SEMA3C: variants seen among roughly 807,000 people sequenced by gnomAD.
SEMA3C encodes semaphorin-3C.
A neutral mutation model predicts 89.4 loss-of-function variants in SEMA3C; 47 were observed. The ratio of observed to expected loss-of-function variants is 0.53; its 90% CI spans 0.42 to 0.67. SEMA3C has a LOEUF of 0.67. Ranked by LOEUF, SEMA3C falls within the 30% of genes least tolerant of loss-of-function variation. The pLI, the probability that SEMA3C is intolerant of heterozygous loss-of-function variation, is 0.00. For missense variants in SEMA3C, 839 were observed against 929.1 expected, an observed-to-expected ratio of 0.90 and a Z score of 1.26; for synonymous variants, 310 against 320.2, an observed-to-expected ratio of 0.97 and a Z score of 0.34.
intron 2 of SEMA3C, among the ~76,000 whole-genome samples, chr7:80,858,786 T>C (rs1790703506): frequency 6.6e-6 from 1 of 152,152 alleles, no homozygotes; most frequent in South Asian, 2.1e-4. Flanking sequence ...CTTGGAGTGT[T>C]TAATTACAGC....
intron 2 of SEMA3C, among the ~76,000 whole-genome samples, chr7:80,876,349 T>C (rs1562919049): frequency 6.6e-6 from 1 of 152,182 alleles, no homozygotes; most frequent in African/African-American, 2.4e-5. Flanking sequence ...CACTCTTCTA[T>C]ACAGGCAGGT....
intron 12 of SEMA3C, among the ~76,000 whole-genome samples, chr7:80,777,641 A>G (rs935277280): frequency 1.3e-5 from 2 of 152,144 alleles, no homozygotes; most frequent in Non-Finnish European, 2.9e-5. Context: ...CCAAAATTAG[A>G]AATGGTGACT....
At chr7:80,824,255 G>A (rs1789820661) in intron 4 of SEMA3C, among the ~76,000 whole-genome samples, 1 of 152,040 alleles carries the variant, frequency 6.6e-6, no homozygotes, top group African/African-American at 2.4e-5. Context: ...GAAAGTTTTA[G>A]CTTAATGAAA....
intron 14 of SEMA3C, 56 bp from the exon 15 acceptor site, chr7:80,758,544 C>T: frequency 1.3e-6 from 2 of 1,511,384 alleles, no homozygotes; most frequent in South Asian, 2.3e-5. Flanking sequence ...AGAAGACTTT[C>T]AGCAGGAACA....
intron 2 of SEMA3C, among the ~76,000 whole-genome samples, chr7:80,892,554 A>G (rs566648141): frequency 6.6e-6 from 1 of 152,170 alleles, no homozygotes; most frequent in African/African-American, 2.4e-5. Flanking sequence ...AATTTAAAAA[A>G]ACAACAACAA....
intron 5 of SEMA3C, among the ~76,000 whole-genome samples, chr7:80,816,578 T>G (rs927455345): frequency 2.0e-5 from 3 of 152,152 alleles, no homozygotes; most frequent in African/African-American, 7.2e-5. Flanking sequence ...ATATTTACAA[T>G]ATGGCTTTTA....
rs1253437454 is a variant in SEMA3C, at chr7:80,872,800, A to ATC, written c.103+43878_103+43879insGA. ...TGGCAACAGAGCGAGACTCTGTCAAAAAAAAAAAAAAAAAAAAAAAAGATT... is the reference window on the plus strand; with the variant it reads ...TGGCAACAGAGCGAGACTCTGTCAAATCAAAAAAAAAAAAAAAAAAAAAGATT... On this transcript the variant is annotated intron_variant, in intron 2 of 17. Coordinates refer to ENST00000265361, the MANE Select transcript of SEMA3C (RefSeq NM_006379.5). Among the ~76,000 whole-genome samples, 731 of 144,096 alleles carry ATC rather than the reference A, an allele frequency of 5.1e-3. 8 individuals carry two copies. Among genetic ancestry groups the ATC allele is most frequent in the African/African-American group, 0.017 (668 of 38,184 alleles). 94.5% of individuals were successfully genotyped at this position (144,096 alleles called of 152,430 possible).
chr7:80,769,072 A>G (rs1302726229), intron 12 of SEMA3C, among the ~76,000 whole-genome samples: 1 of 152,136 alleles, frequency 6.6e-6, no homozygotes, highest in Non-Finnish European at 1.5e-5. Flanking sequence ...TTTATCTTTA[A>G]TCATTATGGA....
chr7:80,857,035 G>A (rs965036252), intron 2 of SEMA3C, among the ~76,000 whole-genome samples: 4 of 151,714 alleles, frequency 2.6e-5, no homozygotes, highest in African/African-American at 4.8e-5. Flanking sequence ...AACCACATGC[G>A]ACTGCATAAT....
At chr7:80,872,934 A>T (rs2116056601) in intron 2 of SEMA3C, among the ~76,000 whole-genome samples, 1 of 151,454 alleles carries the variant, frequency 6.6e-6, no homozygotes, top group Admixed American at 6.6e-5. Flanking sequence ...AAAAAAAAAA[A>T]AAAAAAAAAG....
At chr7:80,824,002 C>T (rs1429890748) in intron 4 of SEMA3C, among the ~76,000 whole-genome samples, 6 of 152,044 alleles carry the variant, frequency 3.9e-5, no homozygotes, top group South Asian at 2.1e-4. Context: ...TCTTTAAAAA[C>T]GTTAGTTTAT....
At chr7:80,776,013 G>GTATA (rs1016494820) in intron 12 of SEMA3C, among the ~76,000 whole-genome samples, 8 of 151,588 alleles carry the variant, frequency 5.3e-5, no homozygotes, top group Non-Finnish European at 8.8e-5. Flanking sequence ...AAATGATGGA[G>GTATA]TATACATCCT....
In SEMA3C at chr7:80,754,771, TTTGTTG is replaced by T. The variant is rs201627732; in HGVS notation, c.1644-3441_1644-3436del. ...CTGCTGGAGATAATCAAGATAGCTG[TTTGTTG>T]TTGTTGTTGTTGTTGTTTTAGACAG... On this transcript the variant is annotated intron_variant, in intron 15 of 17. Coordinates refer to ENST00000265361, the MANE Select transcript of SEMA3C (RefSeq NM_006379.5). Among the ~76,000 whole-genome samples the T allele has an allele frequency of 9.3e-5, 14 of 151,196 alleles. No individual in the cohort carries two copies. In the South Asian group the frequency reaches 1.7e-3, roughly 18 times the overall value.
intron 14 of SEMA3C, among the ~76,000 whole-genome samples, chr7:80,760,880 T>A (rs912481971): frequency 1.3e-5 from 2 of 152,226 alleles, no homozygotes; most frequent in African/African-American, 4.8e-5. Context: ...CAAGCCTATT[T>A]GGAAGCCTAC....
At position 80,828,691 on chromosome 7, in the gene SEMA3C, T is replaced by C; in HGVS notation, c.158A>G (p.Asp53Gly). Residue 53 changes from aspartate (D) to glycine (G), a missense_variant, in exon 3 of 18, where the codon GAC (aspartate) becomes GGC (glycine). Transcript: ENST00000265361. Reference sequence around the variant, plus strand: ...TTCATCCATTAATAAAATCCTGTAGTCTAAAGGATGGTGGGAAAGGCTGAA... The same window carrying C: ...TTCATCCATTAATAAAATCCTGTAGCCTAAAGGATGGTGGGAAAGGCTGAA... ...EYFSLSHHPL[D>G]YRILLMDEDQ... is the part of the protein sequence containing the mutation. 3 of 1,611,494 alleles carry C rather than the reference T, an allele frequency of 1.9e-6. No homozygotes were observed. Among genetic ancestry groups the C allele is most frequent in the Non-Finnish European group, 2.5e-6 (3 of 1,178,146 alleles).
chr7:80,896,451 T>C (rs776476181), intron 2 of SEMA3C, among the ~76,000 whole-genome samples: 11 of 152,210 alleles, frequency 7.2e-5, no homozygotes, highest in African/African-American at 2.4e-4. Flanking sequence ...AGAAAAGTTA[T>C]ATCTCAGATT....
Position 80,853,954 on chromosome 7 carries a change from A to T in SEMA3C, c.104-25209T>A, listed in dbSNP as rs73374807. On this transcript the variant is annotated intron_variant, in intron 2 of 17. Coordinates refer to ENST00000265361, the MANE Select transcript of SEMA3C (RefSeq NM_006379.5). ...CTATGTACCCATGAATATTAAAAAT[A>T]AAAAAAATGTAAAAAGGAGATTCAT... 5.2e-3 allele frequency among the ~76,000 whole-genome samples: 789 copies of T among 151,938 alleles called. 8 individuals are homozygous for T. The highest frequency in any genetic ancestry group is 0.017 in the African/African-American group (725 of 41,430).
chr7:80,917,501 C>A (rs759374016), intron 1 of SEMA3C, among the ~76,000 whole-genome samples: 1 of 152,148 alleles, frequency 6.6e-6, no homozygotes, highest in Non-Finnish European at 1.5e-5. Context: ...ATGTATCCAC[C>A]AATGCATATT....
intron 2 of SEMA3C, among the ~76,000 whole-genome samples, chr7:80,898,814 T>A (rs1791802670): frequency 6.6e-6 from 1 of 150,448 alleles, no homozygotes; most frequent in Non-Finnish European, 1.5e-5. Context: ...GTCCATAATT[T>A]TTGTTTGACC....
Sources: gnomAD v4.1 joint callset for allele counts (sites outside exome capture counted in the v4.1 genomes callset) on GRCh38, gnomAD v4.1.1 for gene constraint, MANE v1.5 for transcripts, NCBI Gene and HGNC (gene_info 2026-07-23, HGNC 2026-07-21) for gene names.